The following CSMD1 variants were observed in gnomAD, a reference collection of about 807,000 sequenced individuals.
The protein encoded by CSMD1 is CUB and Sushi multiple domains 1, also known as CUB and sushi domain-containing protein 1.
CSMD1 carries 213 observed loss-of-function variants against 417.5 expected under a neutral mutation model. The ratio of observed to expected loss-of-function variants is 0.51; its 90% CI spans 0.46 to 0.57. The LOEUF is 0.57. Ranked by LOEUF, CSMD1 falls within the 20% of genes least tolerant of loss-of-function variation. The pLI is 0.00. For missense variants in CSMD1, 6,923 were observed against 4,529.7 expected, an observed-to-expected ratio of 1.53 and a Z score of -15.17; for synonymous variants, 2,862 against 1,736.8, an observed-to-expected ratio of 1.65 and a Z score of -16.11.
chr8:3,176,106 A>C (rs760749332), intron 37 of CSMD1, among the ~76,000 whole-genome samples: 95 of 152,348 alleles, frequency 6.2e-4, no homozygotes, highest in Non-Finnish European at 1.1e-3. Context: ...TTGGAAAGAC[A>C]GAAATACGTA....
At position 4,752,097 on chromosome 8, in the gene CSMD1, A is replaced by C. The variant is rs566367037; in HGVS notation, c.86-114539T>G. 3.3e-5 allele frequency among the ~76,000 whole-genome samples: 5 copies of C among 151,828 alleles called. No individual in the cohort carries two copies. In the South Asian group the frequency reaches 1.0e-3, roughly 32 times the overall value. On this transcript the variant is annotated intron_variant, in intron 1 of 69. Transcript: ENST00000635120. Reference sequence around the variant, plus strand: ...TATATTCATGTCTGTGTGTGTGTACATGTATCACATATATATATCACATGT... The same window carrying C: ...TATATTCATGTCTGTGTGTGTGTACCTGTATCACATATATATATCACATGT...
chr8:4,153,367 G>T (rs573781775), intron 3 of CSMD1, among the ~76,000 whole-genome samples: 1 of 152,118 alleles, frequency 6.6e-6, no homozygotes, highest in South Asian at 2.1e-4. Flanking sequence ...CTACATTCTG[G>T]AAGCAACAGT....
rs771181345 is a variant in CSMD1 at position 3,407,927 on chromosome 8, A to G, written c.2043T>C (p.Thr681=). 13 of 1,612,466 alleles carry G rather than the reference A, an allele frequency of 8.1e-6. No individual in the cohort carries two copies. The highest frequency in any genetic ancestry group is 1.7e-4 in the Middle Eastern group (1 of 6,060). ...RLEFQSDHST[T]GRGFNITYTT... ...TGTAAGTGATGTTGAACCCTCTGCC[A>G]GTAGTGGAATGGTCAGACTGAAATT... is the stretch of plus-strand genomic sequence containing the variant. Residue 681 remains threonine (T), a synonymous_variant, in exon 14 of 70, where the codon ACT becomes ACC. Transcript: ENST00000635120.
chr8:4,201,981 T>C (rs768562236), intron 3 of CSMD1, among the ~76,000 whole-genome samples: 1 of 151,508 alleles, frequency 6.6e-6, no homozygotes, highest in Non-Finnish European at 1.5e-5. Context: ...AAATGAATCC[T>C]ACTTGCATTT....
intron 11 of CSMD1, among the ~76,000 whole-genome samples, chr8:3,488,011 C>T (rs1045116958): frequency 4.1e-5 from 6 of 144,740 alleles, no homozygotes; most frequent in African/African-American, 7.8e-5. Context: ...ACCCTACAAA[C>T]GCAATCAAAA....
At chr8:3,786,302 G>A (rs1799454531) in intron 5 of CSMD1, among the ~76,000 whole-genome samples, 2 of 152,080 alleles carry the variant, frequency 1.3e-5, no homozygotes, top group Non-Finnish European at 2.9e-5. Flanking sequence ...ACCTGAGGGT[G>A]GAGACAAAAA....
At chr8:4,205,796 T>C (rs950715565) in intron 3 of CSMD1, among the ~76,000 whole-genome samples, 5 of 152,032 alleles carry the variant, frequency 3.3e-5, no homozygotes, top group Non-Finnish European at 5.9e-5. Flanking sequence ...GTGTTAGATA[T>C]TTGTGGGGGT....
At chr8:3,453,724 A>C (rs1162412532) in intron 12 of CSMD1, among the ~76,000 whole-genome samples, 2 of 152,154 alleles carry the variant, frequency 1.3e-5, no homozygotes, top group Admixed American at 1.3e-4. Flanking sequence ...GGAGAGCTTT[A>C]CTTACAACTA....
chr8:3,185,245 G>T (rs1367811084), intron 36 of CSMD1, among the ~76,000 whole-genome samples: 1 of 152,106 alleles, frequency 6.6e-6, no homozygotes, highest in Non-Finnish European at 1.5e-5. Context: ...GCATTGCAGT[G>T]GTATTTATGT....
At chr8:3,961,758 G>A (rs994010808) in intron 5 of CSMD1, among the ~76,000 whole-genome samples, 2 of 152,190 alleles carry the variant, frequency 1.3e-5, no homozygotes, top group African/African-American at 4.8e-5. Context: ...GGTCTTTCAT[G>A]ATGAAGGCAT....
At chr8:3,800,190 C>A (rs906726579) in intron 5 of CSMD1, among the ~76,000 whole-genome samples, 1 of 152,114 alleles carries the variant, frequency 6.6e-6, no homozygotes. Context: ...CATGAAAATT[C>A]AGCAGAGAGC....
At chr8:3,277,912 A>C (rs112629413) in intron 26 of CSMD1, among the ~76,000 whole-genome samples, 1 of 152,246 alleles carries the variant, frequency 6.6e-6, no homozygotes, top group African/African-American at 2.4e-5. Context: ...AATTTTATAC[A>C]GTTCAAATTG....
chr8:4,119,248 A>T (rs992000075), intron 3 of CSMD1, among the ~76,000 whole-genome samples: 8 of 152,168 alleles, frequency 5.3e-5, no homozygotes, highest in Non-Finnish European at 1.0e-4. Flanking sequence ...CCTAGAACTT[A>T]AAGTAAAATT....
rs182731679 is a variant in CSMD1 at position 3,571,261 on chromosome 8, T to A, written c.1344+3684A>T. Among the ~76,000 whole-genome samples, 9 of 152,306 alleles carry A rather than the reference T, an allele frequency of 5.9e-5. No individual in the cohort carries two copies. In the East Asian group the frequency reaches 1.7e-3, roughly 29 times the overall value. ...GTTTCCTCGGCTAACAACACACCTG[T>A]GAATTCTAAATGTGCCTCTGCCCAT... On this transcript the variant is annotated intron_variant, in intron 10 of 69. Coordinates refer to ENST00000635120, the MANE Select transcript of CSMD1 (RefSeq NM_033225.6).
chr8:3,205,461 A>C (rs367598371), intron 31 of CSMD1, 43 bp downstream of exon 31: 1 of 990,476 alleles, frequency 1.0e-6, no homozygotes, highest in African/African-American at 1.6e-5. Context: ...TTAACACTGA[A>C]AGGAAATATG....
intron 5 of CSMD1, among the ~76,000 whole-genome samples, chr8:3,953,349 A>G (rs1811712637): frequency 6.6e-6 from 1 of 152,226 alleles, no homozygotes. Context: ...ATGTATAAAC[A>G]TTACATGCCA....
At chr8:4,854,288 T>C (rs1211603533) in intron 1 of CSMD1, among the ~76,000 whole-genome samples, 1 of 152,104 alleles carries the variant, frequency 6.6e-6, no homozygotes, top group African/African-American at 2.4e-5. Flanking sequence ...AGACAGGGCT[T>C]GGTAGGAGGT....
chr8:4,052,819 T>C (rs374581389), intron 3 of CSMD1, among the ~76,000 whole-genome samples: 2 of 152,150 alleles, frequency 1.3e-5, no homozygotes, highest in Admixed American at 6.6e-5. Context: ...ACTGTGCAGA[T>C]TTGGGGCAGG....
intron 1 of CSMD1, among the ~76,000 whole-genome samples, chr8:4,737,381 C>T (rs1340535314): frequency 2.0e-5 from 3 of 151,958 alleles, no homozygotes; most frequent in South Asian, 4.2e-4. Context: ...AAAAAAATAA[C>T]TAATGGGTAC....
Sources: gnomAD v4.1 joint callset for allele counts (sites outside exome capture counted in the v4.1 genomes callset) on GRCh38, gnomAD v4.1.1 for gene constraint, MANE v1.5 for transcripts, NCBI Gene and HGNC (gene_info 2026-07-23, HGNC 2026-07-21) for gene names.